C1orf159: variants seen among roughly 807,000 people sequenced by gnomAD.
The protein encoded by C1orf159 is chromosome 1 open reading frame 159, also known as uncharacterized protein C1orf159.
A neutral mutation model predicts 25.6 loss-of-function variants in C1orf159; 19 were observed. The ratio of observed to expected loss-of-function variants is 0.74; its 90% CI spans 0.52 to 1.09. C1orf159 has a LOEUF of 1.09. Ranked by LOEUF, C1orf159 falls within the 50% of genes least tolerant of loss-of-function variation. The pLI, the probability that C1orf159 is intolerant of heterozygous loss-of-function variation, is 0.00. For synonymous variants in C1orf159, 139 were observed against 124.7 expected (o/e 1.12, Z -0.77); for missense variants, 274 against 290.6 (o/e 0.94, Z 0.42).
rs1415480212 is a variant in C1orf159, at chr1:1,082,080, G to T, written c.*813C>A. On this transcript the variant is annotated 3_prime_UTR_variant, in exon 10 of 10. Transcript: ENST00000421241. ...CGGCGCCTTTCTCCCAGGAACTCCG[G>T]GAGGGACCCCAGGACTCAGCGCCAG... 1 of 152,432 alleles carries T rather than the reference G, an allele frequency of 6.6e-6. No individual in the cohort carries two copies. Among genetic ancestry groups the T allele is most frequent in the Non-Finnish European group, 1.5e-5 (1 of 68,118 alleles). 9.4% of individuals were successfully genotyped at this position (152,432 alleles called of 1,614,324 possible).
rs141230243 is a variant in C1orf159 at position 1,100,658 on chromosome 1, G to C, written c.-135-8555C>G. 2.0e-5 allele frequency among the ~76,000 whole-genome samples: 3 copies of C among 152,150 alleles called. No individual in the cohort carries two copies. The East Asian group carries it at 5.8e-4, about 29-fold the overall frequency. ...TTTTCTGATTGTCCCTGTGTTTTTT[G>C]TTCCTCTATTCTCTTTCTGGCCCTC... On this transcript the variant is annotated intron_variant, in intron 1 of 9. Coordinates refer to ENST00000421241, the MANE Select transcript of C1orf159 (RefSeq NM_017891.5).
chr1:1,111,793 A>G (rs929031914), intron 1 of C1orf159, among the ~76,000 whole-genome samples: 1 of 152,140 alleles, frequency 6.6e-6, no homozygotes, highest in Non-Finnish European at 1.5e-5. Flanking sequence ...TGGAGCTTCC[A>G]CTGCATCCGT....
rs1645754288 is a variant in C1orf159 at position 1,082,253 on chromosome 1, T to C, written c.*640A>G. On this transcript the variant is annotated 3_prime_UTR_variant, in exon 10 of 10. Coordinates refer to ENST00000421241, the MANE Select transcript of C1orf159 (RefSeq NM_017891.5). Reference sequence around the variant, plus strand: ...GGAGGACTTTTCTGCACAATGAATTTCTGCTTAAAAACAGAGATCAAGAGG... The same window carrying C: ...GGAGGACTTTTCTGCACAATGAATTCCTGCTTAAAAACAGAGATCAAGAGG... 1 of 153,738 alleles carries C rather than the reference T, an allele frequency of 6.5e-6. No homozygotes were observed. The highest frequency in any genetic ancestry group is 6.4e-5 in the Admixed American group (1 of 15,560). 9.5% of individuals were successfully genotyped at this position (153,738 alleles called of 1,614,324 possible). A position where few individuals can be genotyped will look rare whatever the true frequency, so the allele number is the denominator to read the frequency against.
At position 1,090,415 on chromosome 1, in the gene C1orf159, T is replaced by G; in HGVS notation, c.86A>C (p.Glu29Ala). ...GACGCCCACCACATCCACACAGCACTCGGGCAGCTGGGCCTGGAGGGGACA... is the reference window on the plus strand; with the variant it reads ...GACGCCCACCACATCCACACAGCACGCGGGCAGCTGGGCCTGGAGGGGACA... The part of the protein sequence containing the change: ...KSMENTAQLP[E>A]CCVDVVGVNA... The change falls in exon 4 of 10, where the codon GAG (glutamate) becomes GCG (alanine). Residue 29 changes from glutamate to alanine, a missense_variant. By Grantham distance (107) the Glu-to-Ala change is moderately radical (BLOSUM62 -1). Coordinates refer to ENST00000421241, the MANE Select transcript of C1orf159 (RefSeq NM_017891.5). 2 of 1,550,424 alleles carry G rather than the reference T, an allele frequency of 1.3e-6. No individual in the cohort carries two copies. The highest frequency in any genetic ancestry group is 2.7e-5 in the African/African-American group (2 of 73,138).
rs1040740102 is a variant in C1orf159 at position 1,084,524 on chromosome 1, G to C, written c.446-18C>G. 5 of 1,551,182 alleles carry C rather than the reference G, an allele frequency of 3.2e-6. No individual in the cohort carries two copies. In the African/African-American group the frequency reaches 5.5e-5, roughly 17 times the overall value. ...GGCCGGAGCTGTGGGGGAGAAAGCG[G>C]AGAGTCACCCTGGAGCCCAGGAGCT... On this transcript the variant is annotated intron_variant, in intron 7 of 9. Coordinates refer to ENST00000421241, the MANE Select transcript of C1orf159 (RefSeq NM_017891.5).
At position 1,108,720 on chromosome 1, in the gene C1orf159, CA is replaced by C. The variant is rs1469968746; in HGVS notation, c.-136+7339del. Among the ~76,000 whole-genome samples the C allele has an allele frequency of 1.8e-4, 8 of 44,040 alleles. 1 individual carries two copies. The highest frequency in any genetic ancestry group is 4.4e-4 in the African/African-American group (3 of 6,760). The allele number at this position is 44,040 out of a possible 152,430, so 28.9% of individuals were successfully genotyped here. Reference sequence around the variant, plus strand: ...ACCATCCACCACGGCCACCATGTCTCAGCAGCACCGTCCACCACAGCCACCA... The same window carrying C: ...ACCATCCACCACGGCCACCATGTCTCGCAGCACCGTCCACCACAGCCACCA... On this transcript the variant is annotated intron_variant, in intron 1 of 9. Coordinates refer to ENST00000421241, the MANE Select transcript of C1orf159 (RefSeq NM_017891.5).
chr1:1,084,186 C>A, intron 9 of C1orf159, 167 bp downstream of exon 9: 3 of 1,527,484 alleles, frequency 2.0e-6, no homozygotes, highest in Non-Finnish European at 1.8e-6. Flanking sequence ...GGGGCACCAG[C>A]CAAATCCGGC....
At position 1,103,128 on chromosome 1, in the gene C1orf159, C is replaced by T. The variant is rs113047914; in HGVS notation, c.-135-11025G>A. 5.2e-3 allele frequency among the ~76,000 whole-genome samples: 797 copies of T among 152,306 alleles called. 8 individuals carry two copies. The highest frequency in any genetic ancestry group is 0.018 in the African/African-American group (753 of 41,582). ...AAAGTGCTGGGATTACAGGCGTGAG[C>T]CACCACGCCCAGCCAGATCTTGTGT... On this transcript the variant is annotated intron_variant, in intron 1 of 9. Transcript: ENST00000421241.
intron 1 of C1orf159, among the ~76,000 whole-genome samples, chr1:1,105,636 C>T (rs1646160450): frequency 1.3e-5 from 2 of 152,154 alleles, no homozygotes; most frequent in South Asian, 2.1e-4. Flanking sequence ...AATCCTAGCA[C>T]TTTGGGAGGC....
chr1:1,109,659 G>A (rs1646231010), intron 1 of C1orf159, among the ~76,000 whole-genome samples: 1 of 151,846 alleles, frequency 6.6e-6, no homozygotes, highest in African/African-American at 2.4e-5. Context: ...GGTAAAAAGG[G>A]TGTCTTGCTG....
chr1:1,100,075 CA>C (rs1458772977), intron 1 of C1orf159, among the ~76,000 whole-genome samples: 2 of 152,132 alleles, frequency 1.3e-5, no homozygotes, highest in African/African-American at 4.8e-5. Flanking sequence ...TTACCTTGGG[CA>C]AAAAGGCAAG....
At chr1:1,085,247 T>C in intron 7 of C1orf159, 1 of 428,092 alleles carries the variant, frequency 2.3e-6, no homozygotes, top group South Asian at 1.6e-5. Context: ...GGCCAAGTGC[T>C]CACCTTGGGG....
chr1:1,091,204 T>C, intron 3 of C1orf159: 3 of 613,842 alleles, frequency 4.9e-6, no homozygotes, highest in Non-Finnish European at 8.7e-6. Flanking sequence ...CTGGCAGAGG[T>C]GCTCCCATTG....
chr1:1,113,838 C>T (rs529484081), intron 1 of C1orf159, among the ~76,000 whole-genome samples: 14 of 152,236 alleles, frequency 9.2e-5, no homozygotes, highest in Admixed American at 2.6e-4. Context: ...GCCGTCCACC[C>T]GCACAGCGGC....
At chr1:1,084,588 A>G in intron 7 of C1orf159, 82 bp from the exon 8 acceptor site, 1 of 1,520,100 alleles carries the variant, frequency 6.6e-7, no homozygotes, top group Non-Finnish European at 8.9e-7. Context: ...GGGACAGCAG[A>G]GCGAGGAGCT....
At chr1:1,102,227 G>C (rs1309999982) in intron 1 of C1orf159, among the ~76,000 whole-genome samples, 1 of 151,584 alleles carries the variant, frequency 6.6e-6, no homozygotes, top group Non-Finnish European at 1.5e-5. Context: ...AAGTACTTCT[G>C]TCCACTGTGC....
At chr1:1,083,268 G>A (rs915043493) in intron 9 of C1orf159, 39 of 420,676 alleles carry the variant, frequency 9.3e-5, no homozygotes, top group African/African-American at 6.6e-4. Context: ...CGAAGACAGA[G>A]ATGTGGGTCC....
chr1:1,091,466 A>G lies in C1orf159; in HGVS notation c.72+6T>C, dbSNP rs917617789. The G allele has an allele frequency of 1.3e-6, 2 of 1,549,930 alleles. No homozygotes were observed. Among genetic ancestry groups the G allele is most frequent in the African/African-American group, 2.7e-5 (2 of 73,014 alleles). On this transcript the variant is annotated splice_donor_region_variant and intron_variant, in intron 3 of 9. Transcript: ENST00000421241. The stretch of plus-strand genomic sequence containing the variant: ...GGCCGCGTGGACACGTGAGGGGGGC[A>G]CCTACCGTGTTCTCCATGGACTTGC...
Position 1,095,470 on chromosome 1 carries a change from G to A in C1orf159, c.-135-3367C>T, listed in dbSNP as rs371551644. Among the ~76,000 whole-genome samples the A allele has an allele frequency of 3.9e-4, 60 of 152,252 alleles. No homozygotes were observed. The South Asian group carries it at 0.011, about 28-fold the overall frequency. On this transcript the variant is annotated intron_variant, in intron 1 of 9. Transcript: ENST00000421241. The stretch of plus-strand genomic sequence containing the variant: ...AATGTAATTTCTGATTTCATGTTCC[G>A]ATAGTTTGCTGCTACTATATAACGA...
Sources: allele counts gnomAD v4.1 joint callset (sites outside exome capture counted in the v4.1 genomes callset), GRCh38; gene constraint gnomAD v4.1.1; transcripts MANE v1.5; gene names NCBI Gene and HGNC (gene_info 2026-07-23, HGNC 2026-07-21).